Variants in ZNRF2 observed in about 807,000 individuals in gnomAD.
ZNRF2 encodes the protein E3 ubiquitin-protein ligase ZNRF2.
Under a neutral mutation model 20.4 loss-of-function variants are expected in ZNRF2, and 16 were observed. That is an observed-to-expected ratio of 0.79 (90% CI 0.53 to 1.19). The LOEUF (loss-of-function observed/expected upper bound fraction) is 1.19, where lower values mean the gene tolerates loss of function less well. Ranked by LOEUF, ZNRF2 falls within the 50% of genes most tolerant of loss-of-function variation. The pLI, the probability that ZNRF2 is intolerant of heterozygous loss-of-function variation, is 0.00. For synonymous variants in ZNRF2, 178 were observed against 144.9 expected (o/e 1.23, Z -1.64); for missense variants, 363 against 332.4 (o/e 1.09, Z -0.72).
chr7:30,331,121 C>G (rs1657999946), intron 2 of ZNRF2, among the ~76,000 whole-genome samples: 1 of 152,018 alleles, frequency 6.6e-6, no homozygotes, highest in South Asian at 2.1e-4. Flanking sequence ...TGGTGATATC[C>G]CAGAAGAGCC....
intron 4 of ZNRF2, among the ~76,000 whole-genome samples, chr7:30,365,631 GTGT>G (rs1403675219): frequency 2.6e-5 from 4 of 152,266 alleles, no homozygotes; most frequent in South Asian, 4.2e-4. Flanking sequence ...GGAGGATTCA[GTGT>G]TGTTAAAACA....
At chr7:30,295,434 G>T (rs1033923025) in intron 1 of ZNRF2, among the ~76,000 whole-genome samples, 2 of 152,160 alleles carry the variant, frequency 1.3e-5, no homozygotes, top group African/African-American at 4.8e-5. Context: ...ATCAGGCCAG[G>T]TACAGTGGCT....
intron 1 of ZNRF2, among the ~76,000 whole-genome samples, chr7:30,316,888 C>T (rs1379093862): frequency 6.6e-6 from 1 of 152,284 alleles, no homozygotes; most frequent in South Asian, 2.1e-4. Flanking sequence ...CAGATCCTAC[C>T]AGTAAATGAG....
At chr7:30,296,509 A>T (rs1468793179) in intron 1 of ZNRF2, among the ~76,000 whole-genome samples, 1 of 152,200 alleles carries the variant, frequency 6.6e-6, no homozygotes, top group Non-Finnish European at 1.5e-5. Context: ...GGCAACCTGG[A>T]TGACTTGGCA....
intron 3 of ZNRF2, among the ~76,000 whole-genome samples, chr7:30,359,058 T>C (rs1403784673): frequency 6.6e-6 from 1 of 152,196 alleles, no homozygotes; most frequent in Admixed American, 6.5e-5. Flanking sequence ...ATTCAATAAA[T>C]GGTGCTGGGA....
intron 1 of ZNRF2, among the ~76,000 whole-genome samples, chr7:30,303,051 C>T (rs1051257984): frequency 3.9e-5 from 6 of 151,970 alleles, no homozygotes; most frequent in East Asian, 1.9e-4. Context: ...GAAGCTGAGG[C>T]GAGTGGATAG....
intron 2 of ZNRF2, among the ~76,000 whole-genome samples, chr7:30,337,196 T>G (rs1773380841): frequency 6.6e-6 from 1 of 152,218 alleles, no homozygotes; most frequent in South Asian, 2.1e-4. Flanking sequence ...CTTTTCGGAT[T>G]GAATCTTTTT....
intron 2 of ZNRF2, among the ~76,000 whole-genome samples, chr7:30,324,012 TTAAACA>T (rs1562612997): frequency 1.3e-5 from 2 of 152,202 alleles, no homozygotes; most frequent in Admixed American, 6.5e-5. Flanking sequence ...ATTTATTTTG[TTAAACA>T]TAAATATAAT....
At chr7:30,365,004 A>G (rs963024136) in intron 4 of ZNRF2, among the ~76,000 whole-genome samples, 1 of 152,138 alleles carries the variant, frequency 6.6e-6, no homozygotes, top group Non-Finnish European at 1.5e-5. Flanking sequence ...CTATAAGGAT[A>G]CTAACTGCAT....
chr7:30,344,423 A>G (rs879666500), intron 2 of ZNRF2, among the ~76,000 whole-genome samples: 1 of 149,664 alleles, frequency 6.7e-6, no homozygotes, highest in Non-Finnish European at 1.5e-5. Flanking sequence ...TGTATTTCCT[A>G]TTTTTCTCCT....
intron 3 of ZNRF2, among the ~76,000 whole-genome samples, chr7:30,360,375 A>G (rs1015832017): frequency 6.6e-6 from 1 of 152,190 alleles, no homozygotes; most frequent in Admixed American, 6.5e-5. Flanking sequence ...GTTTATATTT[A>G]TATAATGGAA....
chr7:30,358,573 G>A (rs1800075382), intron 3 of ZNRF2, among the ~76,000 whole-genome samples: 1 of 152,216 alleles, frequency 6.6e-6, no homozygotes, highest in Non-Finnish European at 1.5e-5. Context: ...AAAACTGCAT[G>A]GGAACCAATG....
intron 1 of ZNRF2, among the ~76,000 whole-genome samples, chr7:30,299,406 C>A: frequency 7.0e-6 from 1 of 142,186 alleles, no homozygotes; most frequent in African/African-American, 2.7e-5. Flanking sequence ...GCAACAAGGG[C>A]GAAACTATGT....
chr7:30,352,334 T>C (rs983724218), intron 2 of ZNRF2, among the ~76,000 whole-genome samples: 4 of 152,034 alleles, frequency 2.6e-5, no homozygotes, highest in Admixed American at 6.6e-5. Flanking sequence ...CAGGTACATA[T>C]AATTTTTTGG....
chr7:30,299,233 G>C (rs1799068313), intron 1 of ZNRF2, among the ~76,000 whole-genome samples: 1 of 152,082 alleles, frequency 6.6e-6, no homozygotes. Context: ...TTCGAGACCA[G>C]CCGGACTAAC....
In ZNRF2 at chr7:30,324,978, A is replaced by G. The variant is rs557525794; in HGVS notation, c.565+1241A>G. Among the ~76,000 whole-genome samples the G allele has an allele frequency of 8.5e-5, 13 of 152,308 alleles. 1 individual carries two copies. The highest frequency in any genetic ancestry group is 3.4e-3 in the Middle Eastern group (1 of 294). On this transcript the variant is annotated intron_variant, in intron 2 of 4. Coordinates refer to ENST00000323037, the MANE Select transcript of ZNRF2 (RefSeq NM_147128.4). Reference sequence around the variant, plus strand: ...TGTGTCTCTGTCTTTCCTCCCATATACAAATTTAGTCTGTGAGCTCTGGAG... The same window carrying G: ...TGTGTCTCTGTCTTTCCTCCCATATGCAAATTTAGTCTGTGAGCTCTGGAG...
chr7:30,297,008 T>G (rs187809490), intron 1 of ZNRF2, among the ~76,000 whole-genome samples: 3 of 152,356 alleles, frequency 2.0e-5, no homozygotes, highest in East Asian at 1.9e-4. Flanking sequence ...ATTCTGTATT[T>G]TAGTTGTGAA....
intron 2 of ZNRF2, among the ~76,000 whole-genome samples, chr7:30,329,722 T>C (rs1307565011): frequency 6.6e-6 from 1 of 152,222 alleles, no homozygotes; most frequent in Admixed American, 6.5e-5. Flanking sequence ...GATACTTAGG[T>C]TGAATCCATA....
At chr7:30,355,245 TA>T (rs1194179544) in intron 2 of ZNRF2, among the ~76,000 whole-genome samples, 1 of 152,130 alleles carries the variant, frequency 6.6e-6, no homozygotes, top group Non-Finnish European at 1.5e-5. Flanking sequence ...TTTCTTGAGT[TA>T]AGCAACTTTT....
Sources: gnomAD v4.1 joint callset for allele counts (sites outside exome capture counted in the v4.1 genomes callset) on GRCh38, gnomAD v4.1.1 for gene constraint, MANE v1.5 for transcripts, NCBI Gene and HGNC (gene_info 2026-07-23, HGNC 2026-07-21) for gene names.